Variants in CD163L1 observed in about 807,000 individuals in gnomAD.
CD163L1 encodes the protein scavenger receptor cysteine-rich type 1 protein M160.
A neutral mutation model predicts 165.4 loss-of-function variants in CD163L1; 124 were observed. That is an observed-to-expected ratio of 0.75 (90% CI 0.65 to 0.87). The LOEUF (loss-of-function observed/expected upper bound fraction) is 0.87. CD163L1 is among the 40% of genes least tolerant of loss of function. The pLI is 0.00. For missense variants in CD163L1, 1,525 were observed against 1,799.9 expected (o/e 0.85, Z 2.76); for synonymous variants, 585 against 662.2 (o/e 0.88, Z 1.79).
rs752874513 is a variant in CD163L1 at position 7,421,471 on chromosome 12, ATACATATATGTACATATATACATATATG to A, written c.766+10917_766+10944del. ...CATATATGTACATATATACATATATATACATATATGTACATATATACATATATGTACATATACATATACATATATGTAC... is the reference window on the plus strand; with the variant it reads ...CATATATGTACATATATACATATATATACATATACATATACATATATGTAC... On this transcript the variant is annotated intron_variant, in intron 4 of 19. Coordinates refer to ENST00000313599, the MANE Select transcript of CD163L1 (RefSeq NM_174941.6). Among the ~76,000 whole-genome samples, 49 of 124,236 alleles carry A rather than the reference ATACATATATGTACATATATACATATATG, an allele frequency of 3.9e-4. 2 individuals carry two copies. The South Asian group carries it at 4.0e-3, about 10-fold the overall frequency. The allele number at this position is 124,236 out of a possible 152,430, so 81.5% of individuals were successfully genotyped here.
At chr12:7,405,232 A>G (rs1457177910) in intron 5 of CD163L1, among the ~76,000 whole-genome samples, 1 of 152,168 alleles carries the variant, frequency 6.6e-6, no homozygotes. Flanking sequence ...TTATGAATTC[A>G]CTTCATTGTA....
At chr12:7,401,154 G>A (rs1481442979) in intron 6 of CD163L1, among the ~76,000 whole-genome samples, 1 of 152,070 alleles carries the variant, frequency 6.6e-6, no homozygotes, top group African/African-American at 2.4e-5. Flanking sequence ...CTTTCTCTCA[G>A]TACCTCTATT....
At chr12:7,393,658 T>C (rs1947710516) in intron 8 of CD163L1, among the ~76,000 whole-genome samples, 1 of 152,204 alleles carries the variant, frequency 6.6e-6, no homozygotes, top group African/African-American at 2.4e-5. Flanking sequence ...GACATGATTG[T>C]ATAGTTAGAA....
the CD163L1 span, among the ~76,000 whole-genome samples, chr12:7,341,385 C>A: frequency 1.3e-5 from 2 of 152,188 alleles, no homozygotes; most frequent in African/African-American, 4.8e-5. Context: ...TGACCTGTCA[C>A]TGAGGAACAA....
chr12:7,406,959 C>A, intron 4 of CD163L1, 107 bp from the exon 5 acceptor site: 3 of 986,576 alleles, frequency 3.0e-6, no homozygotes, highest in South Asian at 1.5e-5. Flanking sequence ...AATTGAGATT[C>A]AATGAATGTC....
Position 7,375,682 on chromosome 12 carries a change from A to T in CD163L1, c.2686+18T>A. 6.2e-7 allele frequency: 1 copy of T among 1,613,024 alleles called. No individual in the cohort carries two copies. Among genetic ancestry groups the T allele is most frequent in the Middle Eastern group, 1.7e-4 (1 of 6,058 alleles). Reference sequence around the variant, plus strand: ...CCATCTCTAGCCCCAGCCAATTAAGATTATTTAAAAATCTCACGGGAACAG... The same window carrying T: ...CCATCTCTAGCCCCAGCCAATTAAGTTTATTTAAAAATCTCACGGGAACAG... On this transcript the variant is annotated intron_variant, in intron 10 of 19. Transcript: ENST00000313599.
At chr12:7,373,095 A>T (rs1947177125) in intron 14 of CD163L1, among the ~76,000 whole-genome samples, 1 of 152,140 alleles carries the variant, frequency 6.6e-6, no homozygotes, top group Non-Finnish European at 1.5e-5. Flanking sequence ...TCTCACAAGG[A>T]GCTTAAAGGA....
In CD163L1 at chr12:7,375,271, A is replaced by T. The variant is rs775814098; in HGVS notation, c.3001+10T>A. On this transcript the variant is annotated intron_variant, in intron 11 of 19. Transcript: ENST00000313599. The stretch of plus-strand genomic sequence containing the variant: ...TTGACAGTAGTTAACCATAAGCACT[A>T]TTCTCTTACCTGTGCAGATCACAGA... 1.1e-5 allele frequency: 17 copies of T among 1,612,860 alleles called. No individual in the cohort carries two copies. In the East Asian group the frequency reaches 3.8e-4, roughly 36 times the overall value.
At chr12:7,412,051 G>C (rs1456304425) in intron 4 of CD163L1, among the ~76,000 whole-genome samples, 2 of 152,104 alleles carry the variant, frequency 1.3e-5, no homozygotes, top group African/African-American at 4.8e-5. Flanking sequence ...CAAAAGTCTG[G>C]GTCATAAGTG....
chr12:7,375,906 T>A lies in CD163L1; in HGVS notation c.2480A>T (p.His827Leu). 6.2e-7 allele frequency: 1 copy of A among 1,614,242 alleles called. No individual in the cohort carries two copies. Residue 827 changes from histidine to leucine, a missense_variant, in exon 10 of 20, where the codon CAT becomes CTT. His to Leu is a moderately conservative substitution (Grantham distance 99). Transcript: ENST00000313599. ...TTCTCTGCACAGCACATTGGCAGCA[T>A]GAAGAGAGAAATCAGAATCACAGAC... ...RSVCDSDFSL[H>L]AANVLCRELN...
chr12:7,430,505 A>G (rs1466080939), intron 4 of CD163L1, among the ~76,000 whole-genome samples: 1 of 152,200 alleles, frequency 6.6e-6, no homozygotes, highest in Non-Finnish European at 1.5e-5. Context: ...TTAACCAGTT[A>G]AAACATAAAC....
intron 4 of CD163L1, among the ~76,000 whole-genome samples, chr12:7,413,106 A>G (rs1338099723): frequency 4.0e-5 from 6 of 150,488 alleles, no homozygotes; most frequent in Non-Finnish European, 8.8e-5. Context: ...AAAAAAAAAA[A>G]AAAAAAAGAG....
intron 14 of CD163L1, among the ~76,000 whole-genome samples, chr12:7,371,901 CAT>C (rs1947153772): frequency 6.6e-6 from 1 of 151,788 alleles, no homozygotes; most frequent in African/African-American, 2.4e-5. Context: ...TATATACACA[CAT>C]ATGATACTCA....
At chr12:7,382,915 A>G (rs1947441190) in intron 8 of CD163L1, among the ~76,000 whole-genome samples, 1 of 152,162 alleles carries the variant, frequency 6.6e-6, no homozygotes, top group Non-Finnish European at 1.5e-5. Flanking sequence ...CCAGCCATCT[A>G]TTCCACACAG....
intron 2 of CD163L1, chr12:7,439,238 T>C: frequency 6.3e-7 from 1 of 1,574,994 alleles, no homozygotes; most frequent in Non-Finnish European, 8.6e-7. Context: ...TTTTCTTTTT[T>C]TGTTTTTCTA....
chr12:7,428,929 C>T (rs1272698517), intron 4 of CD163L1, among the ~76,000 whole-genome samples: 1 of 151,838 alleles, frequency 6.6e-6, no homozygotes, highest in Non-Finnish European at 1.5e-5. Context: ...GCATCAATAC[C>T]AAAGTAAAAA....
chr12:7,444,107 C>T lies in CD163L1; in HGVS notation c.21G>A (p.Ser7=), dbSNP rs768320940. The T allele has an allele frequency of 1.1e-5, 18 of 1,613,644 alleles. No individual in the cohort carries two copies. The highest frequency in any genetic ancestry group is 2.7e-5 in the African/African-American group (2 of 74,902). The part of the protein sequence containing the change: MMLPQN[S]WHIDFGRCCC... ...AAAGCAAAACCTTACCAATATGCCA[C>T]GAGTTTTGAGGCAGCATCATTATGG... The change falls in exon 1 of 20, where the codon TCG becomes TCA. Residue 7 remains serine, a synonymous_variant. Coordinates refer to ENST00000313599, the MANE Select transcript of CD163L1 (RefSeq NM_174941.6).
At position 7,374,965 on chromosome 12, in the gene CD163L1, A is replaced by G. The variant is rs1947232985; in HGVS notation, c.3002-42T>C. 1 of 1,552,546 alleles carries G rather than the reference A, an allele frequency of 6.4e-7. No individual in the cohort carries two copies. The highest frequency in any genetic ancestry group is 8.9e-7 in the Non-Finnish European group (1 of 1,124,164). On this transcript the variant is annotated intron_variant, in intron 11 of 19. Transcript: ENST00000313599. The surrounding 1 kb of genome is among the most constrained non-coding windows in gnomAD (Gnocchi z 5.4). The stretch of plus-strand genomic sequence containing the variant: ...GAAATGGGGCAAAAGTAAGACCAAA[A>G]TACATGGAAAAGGTTGAAGAGTTCT...
chr12:7,380,807 G>A (rs1444650455), intron 8 of CD163L1, among the ~76,000 whole-genome samples: 3 of 152,036 alleles, frequency 2.0e-5, no homozygotes, highest in Non-Finnish European at 2.9e-5. Context: ...AAGAGGAAAC[G>A]AAGAATTAAA....
Sources: gnomAD v4.1 joint callset for allele counts (sites outside exome capture counted in the v4.1 genomes callset) on GRCh38, gnomAD v4.1.1 for gene constraint, Gnocchi (gnomAD v3.1) non-coding constraint, MANE v1.5 for transcripts, NCBI Gene and HGNC (gene_info 2026-07-23, HGNC 2026-07-21) for gene names.